TMCC1: variants seen among roughly 807,000 people sequenced by gnomAD.
TMCC1 encodes transmembrane and coiled-coil domain family 1.
A neutral mutation model predicts 52.4 loss-of-function variants in TMCC1; 15 were observed. That is an observed-to-expected ratio of 0.29 (90% CI 0.19 to 0.44). The LOEUF (loss-of-function observed/expected upper bound fraction) is 0.44. Ranked by LOEUF, TMCC1 falls within the 20% of genes least tolerant of loss-of-function variation. TMCC1 has a pLI of 1.00. For synonymous variants in TMCC1, 279 were observed against 301.9 expected, an observed-to-expected ratio of 0.92 and a Z score of 0.79; for missense variants, 503 against 806.0, an observed-to-expected ratio of 0.62 and a Z score of 4.55.
intron 4 of TMCC1, among the ~76,000 whole-genome samples, chr3:129,699,640 A>G (rs2047671492): frequency 6.6e-6 from 1 of 152,196 alleles, no homozygotes; most frequent in Admixed American, 6.5e-5. Context: ...TTTCCTGACA[A>G]GATGCAAGAA....
chr3:129,885,180 C>T (rs989457141), intron 1 of TMCC1, among the ~76,000 whole-genome samples: 4 of 151,874 alleles, frequency 2.6e-5, no homozygotes, highest in Non-Finnish European at 4.4e-5. Flanking sequence ...AAAGAATGTT[C>T]CTTGTTTTCA....
chr3:129,834,880 T>C (rs1343303927), intron 2 of TMCC1, among the ~76,000 whole-genome samples: 2 of 152,234 alleles, frequency 1.3e-5, no homozygotes, highest in Admixed American at 6.5e-5. Context: ...TCCTCCTGCA[T>C]CTTATTTCAA....
At chr3:129,725,790 A>G (rs2050030267) in intron 4 of TMCC1, among the ~76,000 whole-genome samples, 1 of 152,210 alleles carries the variant, frequency 6.6e-6, no homozygotes, top group Non-Finnish European at 1.5e-5. Flanking sequence ...AATTGAAAAG[A>G]AACAACCGTA....
intron 4 of TMCC1, among the ~76,000 whole-genome samples, chr3:129,738,827 GTT>G: frequency 6.6e-6 from 1 of 150,818 alleles, no homozygotes; most frequent in Non-Finnish European, 1.5e-5. Flanking sequence ...TCTTTTTTTT[GTT>G]TTTGTTTGAG....
intron 4 of TMCC1, among the ~76,000 whole-genome samples, chr3:129,756,253 G>A (rs2053001553): frequency 6.6e-6 from 1 of 152,104 alleles, no homozygotes; most frequent in African/African-American, 2.4e-5. Flanking sequence ...GTTTATAGTA[G>A]CTTTCTTCAT....
chr3:129,880,363 G>C lies in TMCC1; in HGVS notation c.-238C>G, dbSNP rs2061406348. The C allele has an allele frequency of 6.6e-6, 1 of 152,170 alleles. No individual in the cohort carries two copies. The highest frequency in any genetic ancestry group is 2.1e-4 in the South Asian group (1 of 4,832). The allele number at this position is 152,170 out of a possible 1,614,324, so 9.4% of individuals were successfully genotyped here. On this transcript the variant is annotated 5_prime_UTR_variant, in exon 2 of 7. Transcript: ENST00000393238. ...TTCTTTGCATAGGTGAGGATGAACA[G>C]TTGTAATCCAAAAGGTTTCCCAAAA... is the stretch of plus-strand genomic sequence containing the variant.
intron 4 of TMCC1, among the ~76,000 whole-genome samples, chr3:129,680,875 G>A (rs1485037511): frequency 1.3e-5 from 2 of 151,328 alleles, no homozygotes; most frequent in African/African-American, 4.9e-5. Flanking sequence ...ACTCCAGCCT[G>A]GGTGATAGAG....
intron 1 of TMCC1, among the ~76,000 whole-genome samples, chr3:129,890,258 T>C (rs2061904385): frequency 6.6e-6 from 1 of 152,228 alleles, no homozygotes; most frequent in South Asian, 2.1e-4. Context: ...CCCATTTAAC[T>C]TACAAGCCAA....
intron 4 of TMCC1, among the ~76,000 whole-genome samples, chr3:129,746,004 G>A (rs147608952): frequency 6.6e-6 from 1 of 151,062 alleles, no homozygotes; most frequent in Non-Finnish European, 1.5e-5. Flanking sequence ...TGATCCTCCC[G>A]CCTCAGCCTC....
chr3:129,848,926 A>T (rs2059788080), intron 2 of TMCC1, among the ~76,000 whole-genome samples: 1 of 151,934 alleles, frequency 6.6e-6, no homozygotes. Flanking sequence ...GTCCTTGAGC[A>T]AATTACTTGA....
intron 4 of TMCC1, among the ~76,000 whole-genome samples, chr3:129,778,206 T>C (rs1479985818): frequency 6.6e-6 from 1 of 152,232 alleles, no homozygotes; most frequent in Non-Finnish European, 1.5e-5. Context: ...AGCTGAAATG[T>C]TCTAAATGCA....
chr3:129,849,502 C>T (rs967503901), intron 2 of TMCC1, among the ~76,000 whole-genome samples: 18 of 145,546 alleles, frequency 1.2e-4, no homozygotes, highest in Non-Finnish European at 2.2e-4. Context: ...CGGTGGCTCA[C>T]GCCTGTAACC....
chr3:129,800,355 A>G (rs2057109442), intron 4 of TMCC1, among the ~76,000 whole-genome samples: 1 of 152,192 alleles, frequency 6.6e-6, no homozygotes, highest in Non-Finnish European at 1.5e-5. Flanking sequence ...CTAAAAATGG[A>G]AATCCTAAAG....
chr3:129,738,472 T>C (rs954134724), intron 4 of TMCC1, among the ~76,000 whole-genome samples: 1 of 152,028 alleles, frequency 6.6e-6, no homozygotes, highest in Non-Finnish European at 1.5e-5. Flanking sequence ...CATAACCTAC[T>C]TTACTTCCAA....
At chr3:129,705,130 C>G (rs560255086) in intron 4 of TMCC1, among the ~76,000 whole-genome samples, 1 of 152,228 alleles carries the variant, frequency 6.6e-6, no homozygotes, top group African/African-American at 2.4e-5. Context: ...GAGTGCTGTG[C>G]AAATGGCATC....
rs547367135 is a variant in TMCC1 at position 129,858,514 on chromosome 3, G to A, written c.-184+21795C>T. Among the ~76,000 whole-genome samples, 9 of 152,208 alleles carry A rather than the reference G, an allele frequency of 5.9e-5. No individual in the cohort carries two copies. The South Asian group carries it at 6.2e-4, about 11-fold the overall frequency. ...GCCTCCTGAGTAGCTAGAACCACAG[G>A]TGCATGCCACCACGTCCAGCTAATT... On this transcript the variant is annotated intron_variant, in intron 2 of 6. Transcript: ENST00000393238.
chr3:129,722,855 A>G (rs1438092707), intron 4 of TMCC1, among the ~76,000 whole-genome samples: 2 of 152,222 alleles, frequency 1.3e-5, no homozygotes, highest in Non-Finnish European at 2.9e-5. Flanking sequence ...GGTACAGACC[A>G]GAGGCACAAA....
chr3:129,671,219 C>A lies in TMCC1; in HGVS notation c.622G>T (p.Val208Leu), dbSNP rs1184424268. The A allele has an allele frequency of 1.2e-6, 2 of 1,613,938 alleles. No individual in the cohort carries two copies. Among genetic ancestry groups the A allele is most frequent in the Admixed American group, 3.3e-5 (2 of 59,996 alleles). ...ATGCTGCCATCGGTACTGGAGGCCACTGCACTGGATGTTTGGGCAAGGCTG... is the reference window on the plus strand; with the variant it reads ...ATGCTGCCATCGGTACTGGAGGCCAATGCACTGGATGTTTGGGCAAGGCTG... ...VSSLAQTSSA[V>L]ASSTDGSIHT... The change falls in exon 5 of 7, where the codon GTG becomes TTG. Residue 208 changes from valine (V) to leucine (L), a missense_variant. Val to Leu is a conservative substitution (Grantham distance 32, BLOSUM62 1). Around this residue, in one of 7 missense-constraint regions of TMCC1, gnomAD observed 217 missense variants for 297.9 expected, o/e 0.73. Transcript: ENST00000393238.
At chr3:129,773,682 T>C (rs1281829613) in intron 4 of TMCC1, among the ~76,000 whole-genome samples, 1 of 152,212 alleles carries the variant, frequency 6.6e-6, no homozygotes, top group Non-Finnish European at 1.5e-5. Context: ...AGGTGGCTCA[T>C]GTCTGTAATC....
Sources: gnomAD v4.1 joint callset for allele counts (sites outside exome capture counted in the v4.1 genomes callset) on GRCh38, gnomAD v4.1.1 for gene constraint, gnomAD v4.1.1 regional missense constraint, MANE v1.5 for transcripts, NCBI Gene and HGNC (gene_info 2026-07-23, HGNC 2026-07-21) for gene names.